Variants in WIPF3 observed in about 807,000 individuals in gnomAD.
The protein encoded by WIPF3 is WAS/WASL-interacting protein family member 3.
In WIPF3, 33 loss-of-function variants were observed where a neutral mutation model predicts 38.9. The ratio of observed to expected loss-of-function variants is 0.85; its 90% CI spans 0.64 to 1.14. The LOEUF is 1.14. Among genes scored for constraint, WIPF3 ranks in the 50% most tolerant of loss-of-function variants. WIPF3 has a pLI of 0.00. For synonymous variants in WIPF3, 324 were observed against 269.3 expected (o/e 1.20, Z -1.99); for missense variants, 711 against 652.5 (o/e 1.09, Z -0.98).
At chr7:29,885,007 G>C (rs1005745337) in intron 5 of WIPF3, among the ~76,000 whole-genome samples, 21 of 152,288 alleles carry the variant, frequency 1.4e-4, no homozygotes, top group Non-Finnish European at 2.1e-4. Flanking sequence ...TGGAGGGGGC[G>C]TGAGTGTGGC....
rs1232650651 is a variant in WIPF3 at position 29,843,944 on chromosome 7, A to C, written c.90+9130A>C. 1.3e-5 allele frequency among the ~76,000 whole-genome samples: 2 copies of C among 151,770 alleles called. 1 individual carries two copies. Among genetic ancestry groups the C allele is most frequent in the Admixed American group, 1.3e-4 (2 of 15,250 alleles). On this transcript the variant is annotated intron_variant, in intron 2 of 8. Transcript: ENST00000242140. ...ACATCTAGTGGTGCTGGACTCTGCAATGTGACTTCCTGGCTGCCAAGCCAA... is the reference window on the plus strand; with the variant it reads ...ACATCTAGTGGTGCTGGACTCTGCACTGTGACTTCCTGGCTGCCAAGCCAA...
At position 29,883,993 on chromosome 7, in the gene WIPF3, C is replaced by T. The variant is rs1011821466; in HGVS notation, c.499C>T (p.Pro167Ser). 9.8e-6 allele frequency: 15 copies of T among 1,534,474 alleles called. No individual in the cohort carries two copies. The highest frequency in any genetic ancestry group is 1.2e-5 in the Non-Finnish European group (14 of 1,139,002). ...EAHGAARTAPPRPNVPAPPPP... is the reference protein window; with the variant it reads ...EAHGAARTAPSRPNVPAPPPP... Reference sequence around the variant, plus strand: ...GCATGGCGCTGCCAGGACAGCCCCGCCTCGCCCCAACGTGCCTGCCCCGCC... The same window carrying T: ...GCATGGCGCTGCCAGGACAGCCCCGTCTCGCCCCAACGTGCCTGCCCCGCC... Residue 167 changes from proline (P) to serine (S), a missense_variant, in exon 5 of 9, where the codon CCT becomes TCT. Physicochemically the swap from Pro to Ser is moderately conservative, Grantham distance 74. Transcript: ENST00000242140.
At chr7:29,829,787 G>A (rs942302366) in intron 1 of WIPF3, among the ~76,000 whole-genome samples, 22 of 152,182 alleles carry the variant, frequency 1.4e-4, no homozygotes, top group Non-Finnish European at 2.2e-4. Context: ...TGCTGTATTC[G>A]GGCCTCGCGT....
chr7:29,858,459 A>G (rs189319944), intron 2 of WIPF3, among the ~76,000 whole-genome samples: 9 of 152,368 alleles, frequency 5.9e-5, no homozygotes, highest in Admixed American at 1.3e-4. Context: ...TATAGCCTCA[A>G]TCAGCAGGCC....
intron 1 of WIPF3, among the ~76,000 whole-genome samples, chr7:29,807,057 C>CTCTCT (rs1784292948): frequency 6.6e-6 from 1 of 152,096 alleles, no homozygotes; most frequent in African/African-American, 2.4e-5. Flanking sequence ...TCGCGACGCT[C>CTCTCT]TCTCTTCTCC....
chr7:29,905,332 A>G (rs1043224101), intron 8 of WIPF3: 2 of 152,250 alleles, frequency 1.3e-5, no homozygotes, highest in Admixed American at 6.5e-5. Context: ...CAGGAAGAAT[A>G]TACACAATAT....
At chr7:29,884,729 A>G in intron 5 of WIPF3, 136 bp downstream of exon 5, 1 of 1,287,192 alleles carries the variant, frequency 7.8e-7, no homozygotes, top group Non-Finnish European at 1.0e-6. Flanking sequence ...CTTGCCCAAA[A>G]TCATGCTGCA....
chr7:29,831,345 C>T (rs533401322), intron 1 of WIPF3, among the ~76,000 whole-genome samples: 1 of 152,270 alleles, frequency 6.6e-6, no homozygotes, highest in South Asian at 2.1e-4. Context: ...TAGATGGCGC[C>T]CACCCACAAT....
chr7:29,821,740 A>G (rs1206088244), intron 1 of WIPF3, among the ~76,000 whole-genome samples: 1 of 152,196 alleles, frequency 6.6e-6, no homozygotes, highest in African/African-American at 2.4e-5. Flanking sequence ...TGTCTTCCAT[A>G]TCTAGCAGTT....
Position 29,884,521 on chromosome 7 carries a change from C to T in WIPF3, c.1027C>T (p.Gln343Ter). ...GGCCCCACCGCAGAAGGCCGGTGCG[C>T]AGGCCTTGCCCGCCCCGCCTGCCCC... ...FQAPPQKAGA[Q>*]ALPAPPAPPG... The change falls in exon 5 of 9, where the codon CAG becomes TAG. Residue 343 changes from glutamine to a stop codon, truncating the protein, a stop_gained. Coordinates refer to ENST00000242140, the MANE Select transcript of WIPF3 (RefSeq NM_001080529.3). LOFTEE classifies it high-confidence loss of function. 1 of 1,583,886 alleles carries T rather than the reference C, an allele frequency of 6.3e-7. No homozygotes were observed. Among genetic ancestry groups the T allele is most frequent in the Non-Finnish European group, 8.6e-7 (1 of 1,166,368 alleles).
chr7:29,892,884 G>A (rs550216670), intron 7 of WIPF3, among the ~76,000 whole-genome samples: 1 of 152,248 alleles, frequency 6.6e-6, no homozygotes, highest in Admixed American at 6.5e-5. Flanking sequence ...TGGTCAACAT[G>A]GTGAAACCCT....
intron 1 of WIPF3, among the ~76,000 whole-genome samples, chr7:29,814,905 G>A (rs1427947801): frequency 6.6e-6 from 1 of 152,112 alleles, no homozygotes; most frequent in Non-Finnish European, 1.5e-5. Flanking sequence ...TTTCCTATGT[G>A]GCTGATGTAA....
chr7:29,852,765 G>T (rs148373439), intron 2 of WIPF3, among the ~76,000 whole-genome samples: 3 of 152,204 alleles, frequency 2.0e-5, no homozygotes, highest in African/African-American at 7.2e-5. Flanking sequence ...AGACCCAGTG[G>T]TGATGGCTGA....
chr7:29,843,546 A>G (rs1257991728), intron 2 of WIPF3, among the ~76,000 whole-genome samples: 1 of 152,172 alleles, frequency 6.6e-6, no homozygotes, highest in African/African-American at 2.4e-5. Flanking sequence ...CTCTGGAGCA[A>G]TGATTCCTAA....
intron 2 of WIPF3, among the ~76,000 whole-genome samples, chr7:29,861,510 T>C (rs538276562): frequency 2.6e-5 from 4 of 152,342 alleles, no homozygotes; most frequent in African/African-American, 9.6e-5. Context: ...TGTTTTCTCT[T>C]CGTTGTGACC....
At chr7:29,872,798 CAAAAAAAAAAAAA>C (rs61693654) in intron 2 of WIPF3, among the ~76,000 whole-genome samples, 1 of 31,034 alleles carries the variant, frequency 3.2e-5, no homozygotes, top group African/African-American at 1.4e-4. Flanking sequence ...GACTCCATCT[CAAAAAAAAAAAAA>C]AAAAAAAAAA....
intron 1 of WIPF3, among the ~76,000 whole-genome samples, chr7:29,815,745 A>G (rs191703011): frequency 1.3e-5 from 2 of 152,340 alleles, no homozygotes; most frequent in Admixed American, 1.3e-4. Flanking sequence ...TCTTAAAACC[A>G]TTCCTTGTTG....
chr7:29,855,424 C>G (rs1475210384), intron 2 of WIPF3, among the ~76,000 whole-genome samples: 2 of 152,212 alleles, frequency 1.3e-5, no homozygotes, highest in African/African-American at 4.8e-5. Flanking sequence ...CATTTAGAAT[C>G]AATGGACAGA....
intron 7 of WIPF3, among the ~76,000 whole-genome samples, chr7:29,890,568 C>T (rs1023912233): frequency 3.9e-5 from 6 of 152,160 alleles, no homozygotes; most frequent in African/African-American, 1.4e-4. Context: ...TAGCCTAAGA[C>T]CAGGAATCGT....
Sources: gnomAD v4.1 joint callset for allele counts (sites outside exome capture counted in the v4.1 genomes callset) on GRCh38, gnomAD v4.1.1 for gene constraint, MANE v1.5 for transcripts, NCBI Gene and HGNC (gene_info 2026-07-23, HGNC 2026-07-21) for gene names.